NBAS: variants seen among roughly 807,000 people sequenced by gnomAD.
NBAS encodes the protein NAG/BC035112 fusion.
NBAS carries 219 observed loss-of-function variants against 302.5 expected under a neutral mutation model. The observed-to-expected ratio is 0.72, with a 90% CI of 0.65 to 0.81. The LOEUF (loss-of-function observed/expected upper bound fraction) is 0.81. Ranked by LOEUF, NBAS falls within the 30% of genes least tolerant of loss-of-function variation. The pLI, the probability that NBAS is intolerant of heterozygous loss-of-function variation, is 0.00. For synonymous variants in NBAS, 1,118 were observed against 1,021.6 expected, an observed-to-expected ratio of 1.09 and a Z score of -1.80; for missense variants, 2,932 against 2,841.6, an observed-to-expected ratio of 1.03 and a Z score of -0.72.
At chr2:14,861,298 A>G in the NBAS span, among the ~76,000 whole-genome samples, 1 of 152,172 alleles carries the variant, frequency 6.6e-6, no homozygotes, top group Admixed American at 6.5e-5. Flanking sequence ...GTTTTGTTTT[A>G]TGGTCTTCAT....
chr2:14,921,045 C>T, the NBAS span, among the ~76,000 whole-genome samples: 1 of 152,062 alleles, frequency 6.6e-6, no homozygotes, highest in East Asian at 1.9e-4. Flanking sequence ...TCTCACTAAG[C>T]TTAATCATGT....
the NBAS span, among the ~76,000 whole-genome samples, chr2:15,057,577 A>T: frequency 6.6e-6 from 1 of 151,840 alleles, no homozygotes; most frequent in Non-Finnish European, 1.5e-5. Context: ...TCCCTCACCA[A>T]CCTCCAGCTC....
At chr2:15,258,874 C>T (rs1476624283) in intron 44 of NBAS, among the ~76,000 whole-genome samples, 3 of 152,156 alleles carry the variant, frequency 2.0e-5, no homozygotes, top group African/African-American at 7.2e-5. Flanking sequence ...TCATACAACC[C>T]GTCCCCTTTT....
At chr2:14,903,556 G>T in the NBAS span, among the ~76,000 whole-genome samples, 1 of 152,124 alleles carries the variant, frequency 6.6e-6, no homozygotes, top group Non-Finnish European at 1.5e-5. Context: ...TCACTGAAAT[G>T]CATGAAAAGA....
At chr2:15,388,837 C>A (rs1162545605) in intron 28 of NBAS, among the ~76,000 whole-genome samples, 1 of 152,018 alleles carries the variant, frequency 6.6e-6, no homozygotes, top group African/African-American at 2.4e-5. Flanking sequence ...ACCAACAATA[C>A]AGAGGAATCT....
chr2:14,929,988 C>A, the NBAS span, among the ~76,000 whole-genome samples: 1 of 152,088 alleles, frequency 6.6e-6, no homozygotes, highest in East Asian at 1.9e-4. Context: ...TTCCCCTTTG[C>A]TCTCTCTCTC....
chr2:15,228,453 G>T (rs1293914987), intron 47 of NBAS, among the ~76,000 whole-genome samples: 1 of 152,154 alleles, frequency 6.6e-6, no homozygotes, highest in African/African-American at 2.4e-5. Flanking sequence ...ATTGAAAATA[G>T]GACTACCATT....
the NBAS span, among the ~76,000 whole-genome samples, chr2:14,983,476 G>T: frequency 1.4e-4 from 21 of 152,164 alleles, no homozygotes; most frequent in African/African-American, 4.6e-4. Flanking sequence ...TCACAGGGCG[G>T]CAAGGAGAAT....
the NBAS span, among the ~76,000 whole-genome samples, chr2:15,098,538 A>G: frequency 7.9e-6 from 1 of 126,428 alleles, no homozygotes; most frequent in African/African-American, 3.1e-5. Context: ...TATATTATGT[A>G]TTGTATATAA....
chr2:14,791,012 C>T, the NBAS span, among the ~76,000 whole-genome samples: 7 of 152,248 alleles, frequency 4.6e-5, no homozygotes, highest in Admixed American at 1.3e-4. Context: ...TGTGCCACTA[C>T]GCCCAGCTGA....
the NBAS span, among the ~76,000 whole-genome samples, chr2:14,978,053 C>T: frequency 1.3e-5 from 2 of 152,184 alleles, no homozygotes; most frequent in Admixed American, 1.3e-4. Flanking sequence ...TATACTCCCA[C>T]TCATTATTCC....
the NBAS span, among the ~76,000 whole-genome samples, chr2:14,830,463 G>A: frequency 1.5e-4 from 23 of 152,186 alleles, no homozygotes; most frequent in Non-Finnish European, 2.8e-4. Flanking sequence ...AGAAAAAATT[G>A]GTTTTGCAAG....
chr2:15,018,098 T>A, the NBAS span, among the ~76,000 whole-genome samples: 2 of 151,742 alleles, frequency 1.3e-5, no homozygotes, highest in Non-Finnish European at 2.9e-5. Context: ...GTGGATCTCA[T>A]AGAAGTAGAA....
chr2:14,972,904 G>T, the NBAS span, among the ~76,000 whole-genome samples: 1 of 152,208 alleles, frequency 6.6e-6, no homozygotes, highest in South Asian at 2.1e-4. Context: ...CCAAAACCAA[G>T]AATAATATTT....
chr2:15,430,570 C>A (rs1009310206), intron 21 of NBAS, among the ~76,000 whole-genome samples: 1 of 152,154 alleles, frequency 6.6e-6, no homozygotes, highest in African/African-American at 2.4e-5. Context: ...CCTCATATTA[C>A]AATGAGAAAA....
At chr2:14,809,131 T>G in the NBAS span, among the ~76,000 whole-genome samples, 1 of 152,124 alleles carries the variant, frequency 6.6e-6, no homozygotes, top group Non-Finnish European at 1.5e-5. Context: ...GTATGGAAAA[T>G]TTGCAGCCTG....
At position 15,556,926 on chromosome 2, in the gene NBAS, T is replaced by C. The variant is rs1053563214; in HGVS notation, c.173-107A>G. 8.0e-6 allele frequency: 7 copies of C among 871,246 alleles called. No homozygotes were observed. The African/African-American group carries it at 1.2e-4, about 15-fold the overall frequency. 54.0% of individuals were successfully genotyped at this position (871,246 alleles called of 1,614,324 possible). ...CTAAAATATACTACAGAGCGAGTCA[T>C]TAAAAAAAATAAAGAACTCAAGTCT... On this transcript the variant is annotated intron_variant, in intron 2 of 51. Transcript: ENST00000281513.
the NBAS span, among the ~76,000 whole-genome samples, chr2:14,945,771 A>G: frequency 6.6e-6 from 1 of 152,200 alleles, no homozygotes; most frequent in African/African-American, 2.4e-5. Flanking sequence ...GAAAAGAAAT[A>G]AAAATCACCA....
At chr2:15,463,251 G>A (rs1398514788) in intron 19 of NBAS, among the ~76,000 whole-genome samples, 3 of 152,158 alleles carry the variant, frequency 2.0e-5, no homozygotes, top group Non-Finnish European at 4.4e-5. Flanking sequence ...TCCAGCCTGG[G>A]CAACAGAGCA....
Sources: gnomAD v4.1 joint callset for allele counts (sites outside exome capture counted in the v4.1 genomes callset) on GRCh38, gnomAD v4.1.1 for gene constraint, MANE v1.5 for transcripts, NCBI Gene and HGNC (gene_info 2026-07-23, HGNC 2026-07-21) for gene names.